The following SNX24 variants were observed in gnomAD, a reference collection of about 807,000 sequenced individuals.
The protein encoded by SNX24 is sorting nexin 24.
Under a neutral mutation model 28.7 loss-of-function variants are expected in SNX24, and 22 were observed. That is an observed-to-expected ratio of 0.77 (90% confidence interval 0.55 to 1.10). The LOEUF (loss-of-function observed/expected upper bound fraction) is 1.10, where lower values mean the gene tolerates loss of function less well. Among genes scored for constraint, SNX24 ranks in the 50% least tolerant of loss-of-function variants. The pLI, the probability that SNX24 is intolerant of heterozygous loss-of-function variation, is 0.00. For missense variants in SNX24, 221 were observed against 201.1 expected, an observed-to-expected ratio of 1.10 and a Z score of -0.60; for synonymous variants, 69 against 71.5, an observed-to-expected ratio of 0.96 and a Z score of 0.18.
chr5:122,901,971 CTT>C (rs1400148657), intron 1 of SNX24, among the ~76,000 whole-genome samples: 11 of 152,290 alleles, frequency 7.2e-5, no homozygotes, highest in African/African-American at 2.4e-4. Flanking sequence ...ATTCTTTTGT[CTT>C]ATATATCTTT....
intron 4 of SNX24, among the ~76,000 whole-genome samples, chr5:123,000,729 T>C (rs1762217490): frequency 6.6e-6 from 1 of 152,238 alleles, no homozygotes; most frequent in Admixed American, 6.5e-5. Context: ...TGGGCTGAGC[T>C]AGCCTCAGAA....
At chr5:122,950,635 A>G (rs192242413) in intron 3 of SNX24, among the ~76,000 whole-genome samples, 1 of 152,304 alleles carries the variant, frequency 6.6e-6, no homozygotes, top group East Asian at 1.9e-4. Flanking sequence ...GGAGTCCTGC[A>G]GATGTTTTTC....
At chr5:122,893,160 TA>T (rs113612912) in intron 1 of SNX24, among the ~76,000 whole-genome samples, 21,960 of 144,666 alleles carry the variant, frequency 0.15, 1,853 homozygotes, top group East Asian at 0.36. Context: ...ACCCATGGCT[TA>T]AAAAAAAAAA....
At chr5:122,976,381 T>A (rs900884530) in intron 3 of SNX24, among the ~76,000 whole-genome samples, 1 of 152,068 alleles carries the variant, frequency 6.6e-6, no homozygotes, top group African/African-American at 2.4e-5. Context: ...GAAACCTGTG[T>A]TATTTATTCT....
chr5:123,003,272 G>A (rs574582428), intron 6 of SNX24, among the ~76,000 whole-genome samples: 11 of 152,286 alleles, frequency 7.2e-5, no homozygotes, highest in African/African-American at 2.2e-4. Context: ...AGAGTGAGCT[G>A]CCTTTGCTGT....
At chr5:122,916,119 C>G (rs565158423) in intron 1 of SNX24, among the ~76,000 whole-genome samples, 1 of 152,230 alleles carries the variant, frequency 6.6e-6, no homozygotes, top group South Asian at 2.1e-4. Context: ...GTAACGTGAG[C>G]TAGAAGTGAG....
At chr5:122,972,559 G>A (rs1761001699) in intron 3 of SNX24, among the ~76,000 whole-genome samples, 1 of 152,214 alleles carries the variant, frequency 6.6e-6, no homozygotes, top group Admixed American at 6.5e-5. Flanking sequence ...TGTAAGACCA[G>A]TGAATTTCAG....
At chr5:122,914,640 G>A (rs554315866) in intron 1 of SNX24, among the ~76,000 whole-genome samples, 16 of 150,246 alleles carry the variant, frequency 1.1e-4, no homozygotes, top group African/African-American at 2.9e-4. Flanking sequence ...TGTATGTGTC[G>A]AGGAATTTAT....
chr5:122,866,482 C>T (rs149321970), intron 1 of SNX24, among the ~76,000 whole-genome samples: 2 of 152,296 alleles, frequency 1.3e-5, no homozygotes, highest in African/African-American at 4.8e-5. Flanking sequence ...CTACCCATTC[C>T]ATATTCCATT....
intron 1 of SNX24, among the ~76,000 whole-genome samples, chr5:122,852,126 CTA>C (rs780888031): frequency 3.3e-5 from 5 of 149,656 alleles, no homozygotes; most frequent in African/African-American, 9.8e-5. Context: ...ATATCTATAT[CTA>C]TATATATATG....
intron 1 of SNX24, among the ~76,000 whole-genome samples, chr5:122,857,967 G>C (rs1755284344): frequency 6.6e-6 from 1 of 152,132 alleles, no homozygotes; most frequent in Non-Finnish European, 1.5e-5. Flanking sequence ...ATTTTTAGTA[G>C]AGACGGGGTT....
At chr5:122,932,443 G>C (rs1249228556) in intron 1 of SNX24, among the ~76,000 whole-genome samples, 1 of 152,132 alleles carries the variant, frequency 6.6e-6, no homozygotes, top group Non-Finnish European at 1.5e-5. Context: ...TTTGAGTCCA[G>C]CTTCAGCAAC....
chr5:122,915,952 C>T (rs1758141057), intron 1 of SNX24, among the ~76,000 whole-genome samples: 1 of 152,264 alleles, frequency 6.6e-6, no homozygotes, highest in African/African-American at 2.4e-5. Flanking sequence ...AGATTTAGCC[C>T]TGGCTGGGCT....
At chr5:122,934,029 C>T (rs942340843) in intron 1 of SNX24, among the ~76,000 whole-genome samples, 2 of 151,976 alleles carry the variant, frequency 1.3e-5, no homozygotes, top group African/African-American at 2.4e-5. Flanking sequence ...GTGATACGCC[C>T]GTCTCAGCCC....
intron 1 of SNX24, among the ~76,000 whole-genome samples, chr5:122,912,362 G>A (rs1226072673): frequency 6.6e-6 from 1 of 151,524 alleles, no homozygotes; most frequent in East Asian, 1.9e-4. Context: ...AGCTTAAGGA[G>A]ATTTTGGGCT....
intron 1 of SNX24, among the ~76,000 whole-genome samples, chr5:122,925,006 G>A (rs1410904247): frequency 8.4e-6 from 1 of 118,446 alleles, no homozygotes; most frequent in African/African-American, 3.4e-5. Context: ...TTTCCCCTTC[G>A]TCTTCCCCTC....
chr5:122,914,700 T>G (rs1386557557), intron 1 of SNX24, among the ~76,000 whole-genome samples: 6 of 151,648 alleles, frequency 4.0e-5, no homozygotes, highest in Admixed American at 3.3e-4. Context: ...GTTTGTAGTA[T>G]TCTCTGATGG....
intron 1 of SNX24, among the ~76,000 whole-genome samples, chr5:122,868,857 T>C (rs1217859113): frequency 2.0e-5 from 3 of 152,236 alleles, no homozygotes; most frequent in Admixed American, 6.5e-5. Context: ...ACTGAATATC[T>C]GGGCACCCAA....
intron 1 of SNX24, among the ~76,000 whole-genome samples, chr5:122,905,096 A>G (rs543350145): frequency 5.3e-4 from 81 of 152,328 alleles, no homozygotes; most frequent in African/African-American, 1.9e-3. Flanking sequence ...TTGTGTTTTT[A>G]TAGCCCACAC....
Sources: gnomAD v4.1 joint callset for allele counts (sites outside exome capture counted in the v4.1 genomes callset) on GRCh38, gnomAD v4.1.1 for gene constraint, MANE v1.5 for transcripts, NCBI Gene and HGNC (gene_info 2026-07-23, HGNC 2026-07-21) for gene names.